Variants in LAMA3 observed in about 807,000 individuals in gnomAD.
The protein encoded by LAMA3 is laminin subunit alpha 3.
Under a neutral mutation model 402.0 loss-of-function variants are expected in LAMA3, and 281 were observed. The observed-to-expected ratio is 0.70, with a 90% CI of 0.63 to 0.77. The LOEUF is 0.77. Among genes scored for constraint, LAMA3 ranks in the 30% least tolerant of loss-of-function variants. The probability of loss-of-function intolerance (pLI) is 0.00; values close to 1 mark genes in which losing one functional copy is unlikely to be tolerated. For missense variants in LAMA3, 3,840 were observed against 4,215.5 expected, an observed-to-expected ratio of 0.91 and a Z score of 2.47; for synonymous variants, 1,431 against 1,558.4, an observed-to-expected ratio of 0.92 and a Z score of 1.93.
At chr18:23,767,981 T>C (rs2062113508) in intron 8 of LAMA3, among the ~76,000 whole-genome samples, 1 of 152,098 alleles carries the variant, frequency 6.6e-6, no homozygotes, top group African/African-American at 2.4e-5. Context: ...AATAATTAAC[T>C]CAAGACGGAC....
chr18:23,870,708 C>A (rs754413074), intron 37 of LAMA3, among the ~76,000 whole-genome samples: 1 of 152,140 alleles, frequency 6.6e-6, no homozygotes, highest in Non-Finnish European at 1.5e-5. Flanking sequence ...CCTTGAGAAC[C>A]TTATGCTAAG....
chr18:23,729,118 GTGTA>G (rs1354765485), intron 2 of LAMA3, among the ~76,000 whole-genome samples: 9 of 63,572 alleles, frequency 1.4e-4, no homozygotes, highest in African/African-American at 6.0e-4. Context: ...TGTATTGTGT[GTGTA>G]TGTGTGTGTG....
In LAMA3 at chr18:23,941,099, C is replaced by T. The variant is rs148507789; in HGVS notation, c.9026+1713C>T. Among the ~76,000 whole-genome samples, 1,307 of 152,204 alleles carry T rather than the reference C, an allele frequency of 8.6e-3. 10 individuals are homozygous for T. Among genetic ancestry groups the T allele is most frequent in the Middle Eastern group, 0.071 (21 of 294 alleles). On this transcript the variant is annotated intron_variant, in intron 68 of 74. Coordinates refer to ENST00000313654, the MANE Select transcript of LAMA3 (RefSeq NM_198129.4). ...TATAGGCACCCGCCACCACGCCCGG[C>T]TAATTTTTTTGTATTTTTATTAGAG... is the stretch of plus-strand genomic sequence containing the variant.
chr18:23,949,697 C>A, intron 70 of LAMA3, 68 bp from the exon 71 acceptor site: 1 of 1,504,096 alleles, frequency 6.6e-7, no homozygotes, highest in Non-Finnish European at 9.3e-7. Flanking sequence ...CAGTGCCCTT[C>A]GCCTTGGCTA....
intron 32 of LAMA3, among the ~76,000 whole-genome samples, chr18:23,853,275 A>G (rs1409683151): frequency 1.3e-5 from 2 of 152,168 alleles, no homozygotes; most frequent in African/African-American, 4.8e-5. Context: ...TACAGTGTTT[A>G]TTAATTTATT....
At chr18:23,847,713 G>A (rs369825870) in intron 32 of LAMA3, 45 bp downstream of exon 32, 76 of 1,568,612 alleles carry the variant, frequency 4.8e-5, no homozygotes, top group African/African-American at 2.3e-4. Context: ...CAGGGAGGTC[G>A]CGTGCCATCT....
In LAMA3 at chr18:23,824,463, G is replaced by A. The variant is rs1427867778; in HGVS notation, c.2469G>A (p.Lys823=). Reference sequence around the variant, plus strand: ...AAGAGATCATCTTCCTGCCGAGTAAGGAGCCAGCCTTTGTCACTGTCCCTG... The same window carrying A: ...AAGAGATCATCTTCCTGCCGAGTAAAGAGCCAGCCTTTGTCACTGTCCCTG... ...QSKEIIFLPS[K]EPAFVTVPGN... is the part of the protein sequence containing the mutation. The change falls in exon 21 of 75, where the codon AAG becomes AAA. Residue 823 remains lysine (K), a synonymous_variant. Coordinates refer to ENST00000313654, the MANE Select transcript of LAMA3 (RefSeq NM_198129.4). 1 of 1,614,140 alleles carries A rather than the reference G, an allele frequency of 6.2e-7. No homozygotes were observed. Among genetic ancestry groups the A allele is most frequent in the Non-Finnish European group, 8.5e-7 (1 of 1,179,982 alleles).
chr18:23,871,885 T>C (rs1187312877), intron 38 of LAMA3, among the ~76,000 whole-genome samples: 1 of 152,230 alleles, frequency 6.6e-6, no homozygotes, highest in Non-Finnish European at 1.5e-5. Flanking sequence ...AGAGATTCAA[T>C]AGATGCTGAG....
At position 23,864,887 on chromosome 18, in the gene LAMA3, G is replaced by C. The variant is rs1421874695; in HGVS notation, c.4683+4G>C. 1 of 1,599,926 alleles carries C rather than the reference G, an allele frequency of 6.3e-7. No homozygotes were observed. Among genetic ancestry groups the C allele is most frequent in the African/African-American group, 1.3e-5 (1 of 74,796 alleles). On this transcript the variant is annotated splice_donor_region_variant and intron_variant, in intron 36 of 74. Transcript: ENST00000313654. Reference sequence around the variant, plus strand: ...GAAGCCGGATGTACAGCTCACTGTAGGTATCAGAGCATGACCTAAGTGGCA... The same window carrying C: ...GAAGCCGGATGTACAGCTCACTGTACGTATCAGAGCATGACCTAAGTGGCA...
At position 23,953,117 on chromosome 18, in the gene LAMA3, T is replaced by A; in HGVS notation, c.9856+8T>A. ...ACCTTGGAGGTGCTCCAGGTAACTC[T>A]TGTCCTGACTTCTATAATGTGTTGC... On this transcript the variant is annotated splice_region_variant and intron_variant, in intron 74 of 74. Transcript: ENST00000313654. 6.2e-7 allele frequency: 1 copy of A among 1,613,782 alleles called. No homozygotes were observed. The highest frequency in any genetic ancestry group is 8.5e-7 in the Non-Finnish European group (1 of 1,179,746).
intron 64 of LAMA3, among the ~76,000 whole-genome samples, 158 bp from the exon 65 acceptor site, chr18:23,930,904 T>G (rs868372332): frequency 6.6e-6 from 1 of 152,180 alleles, no homozygotes; most frequent in Admixed American, 6.5e-5. Flanking sequence ...GAGTCAAATA[T>G]GCAAAAAATA....
Position 23,843,062 on chromosome 18 carries a change from C to G in LAMA3, c.3603+312C>G, listed in dbSNP as rs567887589. Among the ~76,000 whole-genome samples the G allele has an allele frequency of 1.5e-3, 234 of 152,308 alleles. 1 individual carries two copies. The highest frequency in any genetic ancestry group is 9.9e-3 in the South Asian group (48 of 4,828). On this transcript the variant is annotated intron_variant, in intron 29 of 74. Transcript: ENST00000313654. Reference sequence around the variant, plus strand: ...CTTTTGGCCCCTGCAGCTGCTTTCTCTCTGTTTTCCCTGCTTTCTCTAGCG... The same window carrying G: ...CTTTTGGCCCCTGCAGCTGCTTTCTGTCTGTTTTCCCTGCTTTCTCTAGCG...
At chr18:23,820,110 CT>C in intron 19 of LAMA3, 113 bp downstream of exon 19, 1 of 1,078,400 alleles carries the variant, frequency 9.3e-7, no homozygotes, top group Non-Finnish European at 1.4e-6. Context: ...TTCCACGATT[CT>C]TTTTCTCTAT....
At chr18:23,904,235 C>A (rs1481920477) in intron 50 of LAMA3, 148 bp downstream of exon 50, 2 of 896,744 alleles carry the variant, frequency 2.2e-6, no homozygotes, top group Non-Finnish European at 3.6e-6. Context: ...GCCCCAGGCC[C>A]AAGTCAGAAG....
At chr18:23,787,286 T>G (rs1329683139) in intron 12 of LAMA3, among the ~76,000 whole-genome samples, 16 of 149,536 alleles carry the variant, frequency 1.1e-4, no homozygotes, top group African/African-American at 3.8e-4. Flanking sequence ...CTGTCTCAAA[T>G]AAATAAATAA....
chr18:23,943,715 C>G, intron 68 of LAMA3, 73 bp from the exon 69 acceptor site: 1 of 1,420,498 alleles, frequency 7.0e-7, no homozygotes, highest in South Asian at 1.2e-5. Context: ...GCTCCCCACC[C>G]TCTGTCTCAG....
chr18:23,899,413 C>T lies in LAMA3; in HGVS notation c.5962C>T (p.His1988Tyr). 1.9e-6 allele frequency: 3 copies of T among 1,614,120 alleles called. No individual in the cohort carries two copies. Among genetic ancestry groups the T allele is most frequent in the Non-Finnish European group, 2.5e-6 (3 of 1,180,000 alleles). Residue 1988 changes from histidine (H) to tyrosine (Y), a missense_variant, in exon 47 of 75, where the codon CAC becomes TAC. Around this residue, in one of 3 missense-constraint regions of LAMA3, gnomAD observed 891 missense variants for 857.5 expected, o/e 1.04. Coordinates refer to ENST00000313654, the MANE Select transcript of LAMA3 (RefSeq NM_198129.4). ...RELRNRNFGK[H>Y]LREAEADKRE... ...ACTGCGGAACAGGAACTTTGGAAAGCACCTCAGAGAAGCAGAAGCTGATAA... is the reference window on the plus strand; with the variant it reads ...ACTGCGGAACAGGAACTTTGGAAAGTACCTCAGAGAAGCAGAAGCTGATAA...
intron 12 of LAMA3, among the ~76,000 whole-genome samples, chr18:23,784,972 G>A (rs1288398373): frequency 1.3e-5 from 2 of 152,200 alleles, no homozygotes; most frequent in African/African-American, 4.8e-5. Flanking sequence ...CTAGCCCAGA[G>A]GAGTTGTTAA....
intron 34 of LAMA3, among the ~76,000 whole-genome samples, chr18:23,861,040 T>C (rs950870109): frequency 6.6e-6 from 1 of 152,184 alleles, no homozygotes; most frequent in Non-Finnish European, 1.5e-5. Flanking sequence ...TTCATATCTT[T>C]TACTGCCTGT....
Sources: allele counts gnomAD v4.1 joint callset (sites outside exome capture counted in the v4.1 genomes callset), GRCh38; gene constraint gnomAD v4.1.1; regional missense constraint gnomAD v4.1.1; transcripts MANE v1.5; gene names NCBI Gene and HGNC (gene_info 2026-07-23, HGNC 2026-07-21).